IQGAP2: variants seen among roughly 807,000 people sequenced by gnomAD.
The protein encoded by IQGAP2 is IQ motif containing GTPase activating protein 2, also known as ras GTPase-activating-like protein IQGAP2.
Under a neutral mutation model 201.3 loss-of-function variants are expected in IQGAP2, and 173 were observed. The ratio of observed to expected loss-of-function variants is 0.86; its 90% CI spans 0.76 to 0.98. IQGAP2 has a LOEUF of 0.98. Among genes scored for constraint, IQGAP2 ranks in the 50% least tolerant of loss-of-function variants. IQGAP2 has a pLI of 0.00. For synonymous variants in IQGAP2, 675 were observed against 673.9 expected, an observed-to-expected ratio of 1.00 and a Z score of -0.03; for missense variants, 1,687 against 1,864.8, an observed-to-expected ratio of 0.90 and a Z score of 1.76.
intron 13 of IQGAP2, among the ~76,000 whole-genome samples, chr5:76,614,913 G>A (rs535447985): frequency 2.4e-4 from 36 of 152,244 alleles, no homozygotes; most frequent in African/African-American, 8.7e-4. Context: ...AGCCATTAAA[G>A]GTCACAATGG....
chr5:76,479,304 G>C (rs754872538), intron 2 of IQGAP2, among the ~76,000 whole-genome samples: 85 of 152,178 alleles, frequency 5.6e-4, no homozygotes, highest in Non-Finnish European at 1.0e-3. Context: ...GCCTGAGTGA[G>C]TGTTGTGATC....
chr5:76,408,306 A>G (rs1750909152), intron 1 of IQGAP2, among the ~76,000 whole-genome samples: 1 of 152,224 alleles, frequency 6.6e-6, no homozygotes, highest in Admixed American at 6.5e-5. Flanking sequence ...GGGATATGGA[A>G]CAAAGGTTTG....
chr5:76,671,689 G>GAAAAA, intron 23 of IQGAP2, 70 bp from the exon 24 acceptor site: 2 of 812,450 alleles, frequency 2.5e-6, no homozygotes, highest in Non-Finnish European at 3.7e-6. Flanking sequence ...CTGTCTCGGG[G>GAAAAA]AAAAAAAAAA....
At chr5:76,507,693 C>A (rs1482852949) in intron 2 of IQGAP2, among the ~76,000 whole-genome samples, 1 of 152,082 alleles carries the variant, frequency 6.6e-6, no homozygotes, top group Non-Finnish European at 1.5e-5. Flanking sequence ...TAAAACTAAA[C>A]AATAAGAAAA....
At chr5:76,470,641 G>A (rs576178825) in intron 2 of IQGAP2, among the ~76,000 whole-genome samples, 93 of 152,154 alleles carry the variant, frequency 6.1e-4, no homozygotes, top group Middle Eastern at 3.4e-3. Context: ...AAACTCCTGG[G>A]CTCAAACAAT....
intron 1 of IQGAP2, among the ~76,000 whole-genome samples, chr5:76,458,377 A>G (rs1213503108): frequency 6.6e-6 from 1 of 152,214 alleles, no homozygotes; most frequent in Non-Finnish European, 1.5e-5. Flanking sequence ...CAGTGTTATT[A>G]TCCATGCCAG....
chr5:76,612,775 C>A (rs1748522106), intron 13 of IQGAP2, among the ~76,000 whole-genome samples: 1 of 151,974 alleles, frequency 6.6e-6, no homozygotes, highest in Non-Finnish European at 1.5e-5. Flanking sequence ...CACACTCTTA[C>A]ATGTGTCTAA....
At chr5:76,611,993 C>T (rs1014103101) in intron 13 of IQGAP2, among the ~76,000 whole-genome samples, 12 of 152,234 alleles carry the variant, frequency 7.9e-5, no homozygotes, top group Admixed American at 2.0e-4. Context: ...CTGCCTCATT[C>T]GAAACAGGAA....
chr5:76,655,844 A>AT lies in IQGAP2; in HGVS notation c.2320+845dup, dbSNP rs2150438482. 2.0e-5 allele frequency among the ~76,000 whole-genome samples: 3 copies of AT among 152,274 alleles called. 1 individual carries two copies. The South Asian group carries it at 6.2e-4, about 32-fold the overall frequency. On this transcript the variant is annotated intron_variant, in intron 20 of 35. Coordinates refer to ENST00000274364, the MANE Select transcript of IQGAP2 (RefSeq NM_006633.5). ...AGTCCCAACTTTGCCTATGTTTGTT[A>AT]TTTTGGTTTTTTACAGATCATAAGT...
chr5:76,535,744 G>C lies in IQGAP2; in HGVS notation c.147-26652G>C, dbSNP rs1580402081. On this transcript the variant is annotated intron_variant, in intron 2 of 35. Coordinates refer to ENST00000274364, the MANE Select transcript of IQGAP2 (RefSeq NM_006633.5). ...GTTATTTTGTTTGTTTGTTTGTTTAGACTGCTTCTTGCAGAGCAGGGCTAC... is the reference window on the plus strand; with the variant it reads ...GTTATTTTGTTTGTTTGTTTGTTTACACTGCTTCTTGCAGAGCAGGGCTAC... Among the ~76,000 whole-genome samples the C allele has an allele frequency of 3.3e-5, 5 of 152,292 alleles. No homozygotes were observed. In the South Asian group the frequency reaches 1.0e-3, roughly 32 times the overall value.
chr5:76,640,571 C>A (rs898754422), intron 16 of IQGAP2, among the ~76,000 whole-genome samples: 1 of 152,104 alleles, frequency 6.6e-6, no homozygotes, highest in Non-Finnish European at 1.5e-5. Flanking sequence ...CTTGGCAGTC[C>A]GAGGGAAGCG....
intron 1 of IQGAP2, among the ~76,000 whole-genome samples, chr5:76,406,069 C>G (rs1442814784): frequency 6.6e-6 from 1 of 152,174 alleles, no homozygotes; most frequent in African/African-American, 2.4e-5. Flanking sequence ...GCTCTCTCTC[C>G]TACCCACTTG....
At chr5:76,485,153 T>C (rs1434707248) in intron 2 of IQGAP2, among the ~76,000 whole-genome samples, 1 of 152,102 alleles carries the variant, frequency 6.6e-6, no homozygotes, top group Non-Finnish European at 1.5e-5. Context: ...CTGCTTTCCC[T>C]ATAACACCTC....
chr5:76,629,238 G>C (rs1191533197), intron 14 of IQGAP2, among the ~76,000 whole-genome samples: 1 of 152,160 alleles, frequency 6.6e-6, no homozygotes, highest in East Asian at 1.9e-4. Flanking sequence ...ATTTTCCAAA[G>C]TTAATGCTAC....
chr5:76,535,007 G>T (rs1276534341), intron 2 of IQGAP2, among the ~76,000 whole-genome samples: 1 of 152,162 alleles, frequency 6.6e-6, no homozygotes, highest in Non-Finnish European at 1.5e-5. Context: ...TTGGAGCGTG[G>T]CATGTTCTAG....
chr5:76,587,052 G>C (rs545952760), intron 5 of IQGAP2, among the ~76,000 whole-genome samples: 1 of 152,104 alleles, frequency 6.6e-6, no homozygotes, highest in Non-Finnish European at 1.5e-5. Flanking sequence ...AGGTATTTAT[G>C]GTTTTTTCTC....
At chr5:76,557,791 T>A (rs1033555995) in intron 2 of IQGAP2, among the ~76,000 whole-genome samples, 2 of 152,092 alleles carry the variant, frequency 1.3e-5, no homozygotes, top group African/African-American at 4.8e-5. Flanking sequence ...TTGCTATCAG[T>A]GTTTTATTTA....
At chr5:76,532,122 G>C (rs1759333410) in intron 2 of IQGAP2, among the ~76,000 whole-genome samples, 1 of 152,194 alleles carries the variant, frequency 6.6e-6, no homozygotes, top group Non-Finnish European at 1.5e-5. Flanking sequence ...TAAGCATTCA[G>C]TTCATTGCGG....
chr5:76,503,371 C>T (rs1757404899), intron 2 of IQGAP2, among the ~76,000 whole-genome samples: 1 of 151,770 alleles, frequency 6.6e-6, no homozygotes, highest in Admixed American at 6.6e-5. Context: ...GATGGGGTTT[C>T]ACCATGTTGG....
Sources: gnomAD v4.1 joint callset for allele counts (sites outside exome capture counted in the v4.1 genomes callset) on GRCh38, gnomAD v4.1.1 for gene constraint, MANE v1.5 for transcripts, NCBI Gene and HGNC (gene_info 2026-07-23, HGNC 2026-07-21) for gene names.